Variants in CFAP161 observed in about 807,000 individuals in gnomAD.
CFAP161 encodes cilia- and flagella-associated protein 161.
CFAP161 carries 25 observed loss-of-function variants against 29.0 expected under a neutral mutation model. The ratio of observed to expected loss-of-function variants is 0.86; its 90% CI spans 0.63 to 1.20. CFAP161 has a LOEUF of 1.20. CFAP161 is among the 50% of genes most tolerant of loss of function. CFAP161 has a pLI of 0.00. For synonymous variants in CFAP161, 116 were observed against 137.4 expected (o/e 0.84, Z 1.09); for missense variants, 367 against 371.9 (o/e 0.99, Z 0.11).
chr15:81,114,573 G>A (rs1203695188), intron 1 of CFAP161, among the ~76,000 whole-genome samples: 2 of 152,202 alleles, frequency 1.3e-5, no homozygotes. Context: ...AAGAAAAGAT[G>A]TATGTTTGGG....
intron 1 of CFAP161, among the ~76,000 whole-genome samples, chr15:81,118,566 G>A (rs2683239): frequency 6.6e-6 from 1 of 152,082 alleles, no homozygotes; most frequent in Admixed American, 6.5e-5. Context: ...CTGGCCCCGC[G>A]CTAGTCCGCG....
chr15:81,136,749 G>T lies in CFAP161; in HGVS notation c.392+1G>T. The stretch of plus-strand genomic sequence containing the variant: ...GCAGAAACACTTTTATCATTTTGAG[G>T]TAAAGAGACTTTAATTTTCAGTTCA... On this transcript the variant is annotated splice_donor_variant, in intron 3 of 6. Coordinates refer to ENST00000286732, the MANE Select transcript of CFAP161 (RefSeq NM_173528.4). LOFTEE classifies it high-confidence loss of function. 3 of 1,605,920 alleles carry T rather than the reference G, an allele frequency of 1.9e-6. No homozygotes were observed. Among genetic ancestry groups the T allele is most frequent in the Non-Finnish European group, 2.6e-6 (3 of 1,173,130 alleles).
At chr15:81,140,093 G>A (rs960339164) in intron 4 of CFAP161, among the ~76,000 whole-genome samples, 5 of 150,900 alleles carry the variant, frequency 3.3e-5, no homozygotes, top group East Asian at 1.9e-4. Context: ...CAAATCATCC[G>A]TTTTTTGCCT....
chr15:81,106,269 A>C (rs939768846), intron 1 of CFAP161, among the ~76,000 whole-genome samples: 1 of 152,252 alleles, frequency 6.6e-6, no homozygotes, highest in Admixed American at 6.5e-5. Flanking sequence ...ATATTTTTAG[A>C]ACATAATGTG....
Position 81,110,732 on chromosome 15 carries a change from C to T in CFAP161, c.-141-16858C>T, listed in dbSNP as rs567874056. ...GGCATATTACCCAAGTGGTCAGCTT[C>T]GGTGGAAGGGGACTGGAGACTGACC... On this transcript the variant is annotated intron_variant, in intron 1 of 4. Transcript: ENST00000560091. Among the ~76,000 whole-genome samples the T allele has an allele frequency of 1.1e-4, 17 of 152,278 alleles. No homozygotes were observed. In the South Asian group the frequency reaches 3.1e-3, roughly 28 times the overall value.
chr15:81,103,445 T>C (rs944293716), intron 1 of CFAP161, among the ~76,000 whole-genome samples: 2 of 151,990 alleles, frequency 1.3e-5, no homozygotes, highest in African/African-American at 2.4e-5. Context: ...GGAGAAAGGA[T>C]TGGGGACCTT....
At position 81,136,489 on chromosome 15, in the gene CFAP161, T is replaced by C. The variant is rs8038176; in HGVS notation, c.160-27T>C. 13,588 of 1,601,032 alleles carry C rather than the reference T, an allele frequency of 8.5e-3. 901 individuals are homozygous for C. In the African/African-American group the frequency reaches 0.15, roughly 18 times the overall value. On this transcript the variant is annotated intron_variant, in intron 2 of 6. Coordinates refer to ENST00000286732, the MANE Select transcript of CFAP161 (RefSeq NM_173528.4). ...AACTGTTGAGGAATTGCATGGTTTA[T>C]GTAATAAACTACTATCAAAATTGTA...
intron 1 of CFAP161, among the ~76,000 whole-genome samples, chr15:81,107,425 C>G (rs1330119665): frequency 2.0e-5 from 3 of 152,198 alleles, no homozygotes; most frequent in Admixed American, 2.0e-4. Context: ...ACTCCAAAGC[C>G]TGTGATTTAA....
intron 1 of CFAP161, among the ~76,000 whole-genome samples, chr15:81,101,148 G>A (rs1180563288): frequency 6.6e-6 from 1 of 152,158 alleles, no homozygotes; most frequent in African/African-American, 2.4e-5. Context: ...TTAACAACCT[G>A]CCCTGACTAA....
At chr15:81,129,258 G>A (rs1004222716) in intron 2 of CFAP161, among the ~76,000 whole-genome samples, 1 of 152,138 alleles carries the variant, frequency 6.6e-6, no homozygotes, top group African/African-American at 2.4e-5. Flanking sequence ...TAGAGCACAG[G>A]AAAAGTAGAT....
At chr15:81,147,800 TAA>T in intron 5 of CFAP161, 56 bp from the exon 6 acceptor site, 1 of 1,369,542 alleles carries the variant, frequency 7.3e-7, no homozygotes. Flanking sequence ...AGCTTTTCCC[TAA>T]AAGCAAAAAA....
At chr15:81,128,953 C>G (rs771873783) in intron 2 of CFAP161, among the ~76,000 whole-genome samples, 1 of 90,820 alleles carries the variant, frequency 1.1e-5, no homozygotes, top group Non-Finnish European at 2.8e-5. Flanking sequence ...GACTCTGTCT[C>G]GAGAAAAAAA....
chr15:81,136,400 A>T (rs1235255214), intron 2 of CFAP161, 116 bp from the exon 3 acceptor site: 3 of 877,702 alleles, frequency 3.4e-6, no homozygotes, highest in Non-Finnish European at 5.4e-6. Flanking sequence ...GTTCGAGGGA[A>T]TCCAAGTGAA....
At chr15:81,104,399 C>T (rs902968626) in intron 1 of CFAP161, among the ~76,000 whole-genome samples, 1 of 152,180 alleles carries the variant, frequency 6.6e-6, no homozygotes, top group African/African-American at 2.4e-5. Flanking sequence ...CTTCCTAGGC[C>T]TTACCCAGGT....
chr15:81,101,682 G>A (rs1395237972), intron 1 of CFAP161, among the ~76,000 whole-genome samples: 3 of 152,076 alleles, frequency 2.0e-5, no homozygotes, highest in Non-Finnish European at 1.5e-5. Flanking sequence ...GTATAACAAT[G>A]CATTAACACT....
At chr15:81,103,563 G>C (rs1894327476) in intron 1 of CFAP161, among the ~76,000 whole-genome samples, 1 of 152,182 alleles carries the variant, frequency 6.6e-6, no homozygotes, top group Non-Finnish European at 1.5e-5. Context: ...TTCCTGGAGG[G>C]TGGTGTGCCC....
chr15:81,147,838 C>G lies in CFAP161; in HGVS notation c.637-20C>G. ...AAAAATGTTTAGAATGCTAATAACA[C>G]ATTTTCTTTATCTGTTAAGGCAAAT... On this transcript the variant is annotated intron_variant, in intron 5 of 6. Coordinates refer to ENST00000286732, the MANE Select transcript of CFAP161 (RefSeq NM_173528.4). The G allele has an allele frequency of 6.4e-7, 1 of 1,554,718 alleles. No individual in the cohort carries two copies. Among genetic ancestry groups the G allele is most frequent in the Non-Finnish European group, 8.7e-7 (1 of 1,148,220 alleles).
Position 81,144,460 on chromosome 15 carries a change from G to A in CFAP161, c.636+640G>A, listed in dbSNP as rs532316656. 1.3e-4 allele frequency among the ~76,000 whole-genome samples: 20 copies of A among 152,212 alleles called. No individual in the cohort carries two copies. In the South Asian group the frequency reaches 2.3e-3, roughly 17 times the overall value. On this transcript the variant is annotated intron_variant, in intron 5 of 6. Transcript: ENST00000286732. ...AAAATACAAAAATTAGCCGGGTGTG[G>A]TGGCACACACCTGTAATCCAAGCTA...
At chr15:81,103,874 A>T (rs751771070) in intron 1 of CFAP161, among the ~76,000 whole-genome samples, 70 of 152,124 alleles carry the variant, frequency 4.6e-4, no homozygotes, top group Non-Finnish European at 8.8e-4. Flanking sequence ...TGTTGGAATG[A>T]ATTGGAGGGC....
Sources: allele counts gnomAD v4.1 joint callset (sites outside exome capture counted in the v4.1 genomes callset), GRCh38; gene constraint gnomAD v4.1.1; transcripts MANE v1.5; gene names NCBI Gene and HGNC (gene_info 2026-07-23, HGNC 2026-07-21).